The following CCDC30 variants were observed in gnomAD, a reference collection of about 807,000 sequenced individuals.
The protein encoded by CCDC30 is coiled-coil domain containing 30.
In CCDC30, 70 loss-of-function variants were observed where a neutral mutation model predicts 100.2. That is an observed-to-expected ratio of 0.70 (90% CI 0.58 to 0.85). The LOEUF is 0.85. CCDC30 is among the 40% of genes least tolerant of loss of function. The probability of loss-of-function intolerance (pLI) is 0.00; values close to 1 mark genes in which losing one functional copy is unlikely to be tolerated. For missense variants in CCDC30, 652 were observed against 771.2 expected (o/e 0.85, Z 1.83); for synonymous variants, 233 against 269.5 (o/e 0.86, Z 1.33).
At chr1:42,613,312 TG>T (rs1275399405) in intron 11 of CCDC30, among the ~76,000 whole-genome samples, 2 of 152,178 alleles carry the variant, frequency 1.3e-5, no homozygotes, top group Non-Finnish European at 2.9e-5. Context: ...TGGAGTGCAG[TG>T]GCACGATCTC....
At chr1:42,577,841 C>T (rs1645873870) in intron 8 of CCDC30, among the ~76,000 whole-genome samples, 2 of 151,992 alleles carry the variant, frequency 1.3e-5, no homozygotes, top group African/African-American at 4.8e-5. Context: ...GGGGTTTCAC[C>T]GTGTTAGCCA....
intron 6 of CCDC30, among the ~76,000 whole-genome samples, chr1:42,529,149 T>G (rs1644769904): frequency 6.6e-6 from 1 of 152,196 alleles, no homozygotes; most frequent in South Asian, 2.1e-4. Context: ...TATTTCTTCT[T>G]TTTAAAGATG....
chr1:42,523,721 C>T (rs112545822), intron 6 of CCDC30, among the ~76,000 whole-genome samples: 3 of 152,076 alleles, frequency 2.0e-5, no homozygotes. Flanking sequence ...TGTATGTTGG[C>T]CCACCTGATG....
chr1:42,560,141 A>C (rs1297070864), intron 6 of CCDC30, among the ~76,000 whole-genome samples: 2 of 152,214 alleles, frequency 1.3e-5, no homozygotes, highest in Admixed American at 6.5e-5. Flanking sequence ...CAGCTAAAGC[A>C]GTGGTAAGAG....
At chr1:42,467,666 T>C (rs1643632711) in intron 1 of CCDC30, 1 of 152,250 alleles carries the variant, frequency 6.6e-6, no homozygotes, top group South Asian at 2.1e-4. Context: ...TAGCCTCTTC[T>C]CTGGAACTTG....
chr1:42,552,928 A>G (rs1645283870), intron 6 of CCDC30, among the ~76,000 whole-genome samples: 1 of 151,844 alleles, frequency 6.6e-6, no homozygotes, highest in Non-Finnish European at 1.5e-5. Flanking sequence ...GGAGCTCTTT[A>G]TTATTCGGCA....
intron 6 of CCDC30, among the ~76,000 whole-genome samples, chr1:42,557,142 A>G (rs1645386501): frequency 6.6e-6 from 1 of 152,204 alleles, no homozygotes; most frequent in Admixed American, 6.5e-5. Context: ...TCATAAGTAA[A>G]TAGAAGGCCG....
chr1:42,653,673 G>C, intron 16 of CCDC30, 145 bp from the exon 21 acceptor site: 2 of 661,260 alleles, frequency 3.0e-6, no homozygotes, highest in South Asian at 3.9e-5. Flanking sequence ...AATAAAATAT[G>C]AACATAGGTT....
At position 42,539,315 on chromosome 1, in the gene CCDC30, G is replaced by T; in HGVS notation, c.457-26981G>T. ...AATTCTGAATTAGAAACAAAGGTGA[G>T]ACTGAGTTAGGTATTTAAATGTTCA... On this transcript the variant is annotated intron_variant, in intron 6 of 16. Transcript: ENST00000668663. The T allele has an allele frequency of 6.3e-7, 1 of 1,595,254 alleles. No homozygotes were observed. Among genetic ancestry groups the T allele is most frequent in the South Asian group, 1.2e-5 (1 of 86,332 alleles).
intron 10 of CCDC30, chr1:42,593,041 A>G (rs955079685): frequency 6.6e-6 from 1 of 152,164 alleles, no homozygotes; most frequent in Non-Finnish European, 1.5e-5. Flanking sequence ...GCAATTCTCC[A>G]ATTCTTTGTG....
intron 6 of CCDC30, 124 bp downstream of exon 10, chr1:42,556,529 G>C: frequency 9.5e-7 from 1 of 1,050,000 alleles, no homozygotes; most frequent in Non-Finnish European, 1.3e-6. Context: ...GTACATAGTA[G>C]ATGTGTGTAT....
chr1:42,513,729 A>G (rs1199569111), intron 6 of CCDC30, among the ~76,000 whole-genome samples: 1 of 152,116 alleles, frequency 6.6e-6, no homozygotes, highest in Non-Finnish European at 1.5e-5. Context: ...TAACTCCTAT[A>G]TCATTAGTGT....
At chr1:42,482,115 G>A (rs1643969243) in intron 2 of CCDC30, among the ~76,000 whole-genome samples, 1 of 151,796 alleles carries the variant, frequency 6.6e-6, no homozygotes, top group South Asian at 2.1e-4. Flanking sequence ...CTACTTGGGA[G>A]TCTGAGGCAG....
chr1:42,534,115 G>A (rs772338344), intron 6 of CCDC30, among the ~76,000 whole-genome samples: 10 of 151,872 alleles, frequency 6.6e-5, no homozygotes, highest in Non-Finnish European at 1.2e-4. Flanking sequence ...AATGTGCCAC[G>A]TATTATGGTA....
At chr1:42,496,550 A>C (rs6698350) in intron 4 of CCDC30, among the ~76,000 whole-genome samples, 37,119 of 151,922 alleles carry the variant, frequency 0.24, 4,928 homozygotes, top group South Asian at 0.42. Flanking sequence ...GGTGGGATAA[A>C]AATATTCACT....
At chr1:42,618,647 G>T (rs551180758) in intron 11 of CCDC30, among the ~76,000 whole-genome samples, 2 of 152,320 alleles carry the variant, frequency 1.3e-5, no homozygotes, top group African/African-American at 4.8e-5. Flanking sequence ...CTAAGTCACA[G>T]CTGTGGTAAT....
intron 6 of CCDC30, among the ~76,000 whole-genome samples, chr1:42,546,770 C>T (rs16829640): frequency 0.013 from 2,042 of 152,070 alleles, 40 homozygotes; most frequent in African/African-American, 0.046. Flanking sequence ...GGTACTTCTA[C>T]TTTTCTAACC....
At chr1:42,504,283 A>AT (rs1644365028) in intron 6 of CCDC30, among the ~76,000 whole-genome samples, 1 of 152,216 alleles carries the variant, frequency 6.6e-6, no homozygotes, top group Non-Finnish European at 1.5e-5. Flanking sequence ...CAGCGTGGGC[A>AT]TTATGGCCAT....
chr1:42,628,833 C>T lies in CCDC30; in HGVS notation c.1278-8404C>T, dbSNP rs1030230507. ...TATTTATCAGCAGCTTGAAAGCAAACTAATACACTATCTTATAGCTAATTA... is the reference window on the plus strand; with the variant it reads ...TATTTATCAGCAGCTTGAAAGCAAATTAATACACTATCTTATAGCTAATTA... On this transcript the variant is annotated intron_variant, in intron 11 of 16. Coordinates refer to ENST00000668663, the Ensembl canonical transcript of CCDC30. Among the ~76,000 whole-genome samples, 23 of 152,186 alleles carry T rather than the reference C, an allele frequency of 1.5e-4. 1 individual carries two copies. Among genetic ancestry groups the T allele is most frequent in the African/African-American group, 5.3e-4 (22 of 41,454 alleles).
Sources: gnomAD v4.1 joint callset for allele counts (sites outside exome capture counted in the v4.1 genomes callset) on GRCh38, gnomAD v4.1.1 for gene constraint, MANE v1.5 for transcripts, NCBI Gene and HGNC (gene_info 2026-07-23, HGNC 2026-07-21) for gene names.